Variants in TMC1 observed in about 807,000 individuals in gnomAD.
The protein encoded by TMC1 is transmembrane channel-like protein 1.
Under a neutral mutation model 105.8 loss-of-function variants are expected in TMC1, and 84 were observed. The observed-to-expected ratio is 0.79, with a 90% CI of 0.67 to 0.95. The LOEUF (loss-of-function observed/expected upper bound fraction) is 0.95, where lower values mean the gene tolerates loss of function less well. Among genes scored for constraint, TMC1 ranks in the 40% least tolerant of loss-of-function variants. TMC1 has a pLI of 0.00. For synonymous variants in TMC1, 315 were observed against 311.5 expected (o/e 1.01, Z -0.12); for missense variants, 817 against 914.1 (o/e 0.89, Z 1.37).
At chr9:72,673,204 C>A (rs1036281557) in intron 5 of TMC1, among the ~76,000 whole-genome samples, 2 of 152,034 alleles carry the variant, frequency 1.3e-5, no homozygotes, top group Non-Finnish European at 2.9e-5. Context: ...GCAACAACAG[C>A]AGTATTTAGA....
At chr9:72,769,217 T>C (rs564984524) in intron 12 of TMC1, among the ~76,000 whole-genome samples, 2 of 152,142 alleles carry the variant, frequency 1.3e-5, no homozygotes, top group Non-Finnish European at 2.9e-5. Context: ...GTAAAATAGG[T>C]ATAGTGATAG....
intron 3 of TMC1, among the ~76,000 whole-genome samples, chr9:72,624,413 C>A (rs1290700456): frequency 6.6e-6 from 1 of 152,152 alleles, no homozygotes; most frequent in African/African-American, 2.4e-5. Context: ...TTCCCCACAC[C>A]TTTTCTCTGA....
intron 19 of TMC1, among the ~76,000 whole-genome samples, chr9:72,819,209 A>G (rs995601110): frequency 3.9e-5 from 6 of 152,218 alleles, no homozygotes; most frequent in African/African-American, 1.4e-4. Context: ...ACTAGCAGAG[A>G]ATGAAGAGAA....
intron 1 of TMC1, among the ~76,000 whole-genome samples, chr9:72,577,418 T>C (rs1824401948): frequency 6.6e-6 from 1 of 152,224 alleles, no homozygotes; most frequent in Admixed American, 6.5e-5. Context: ...GGGCACTTAC[T>C]ATGATTGTGT....
chr9:72,826,164 T>C (rs893125465), intron 20 of TMC1, among the ~76,000 whole-genome samples: 1 of 152,200 alleles, frequency 6.6e-6, no homozygotes, highest in African/African-American at 2.4e-5. Flanking sequence ...AAAATAATGA[T>C]GTAATGAATA....
intron 5 of TMC1, among the ~76,000 whole-genome samples, chr9:72,685,100 CTTT>C (rs71359515): frequency 0.2 from 18,081 of 89,714 alleles, 713 homozygotes; most frequent in East Asian, 0.29. Context: ...TAAAGTCATT[CTTT>C]TTTTTTTTTT....
At chr9:72,586,617 G>A (rs1317464165) in intron 2 of TMC1, among the ~76,000 whole-genome samples, 1 of 152,118 alleles carries the variant, frequency 6.6e-6, no homozygotes, top group Non-Finnish European at 1.5e-5. Flanking sequence ...TCTGTAGTTG[G>A]GTACCGTTGT....
In TMC1 at chr9:72,624,961, G is replaced by A. The variant is rs570449386; in HGVS notation, c.-195-2960G>A. On this transcript the variant is annotated intron_variant, in intron 3 of 23. Transcript: ENST00000297784. ...ACAAAAACAGGAGAATGGATCATGC[G>A]TTCAGTATTGGAACTGATGACTATT... Among the ~76,000 whole-genome samples the A allele has an allele frequency of 1.9e-4, 29 of 152,326 alleles. 1 individual carries two copies. The South Asian group carries it at 5.2e-3, about 27-fold the overall frequency.
chr9:72,801,761 C>T (rs1036634195), intron 17 of TMC1, among the ~76,000 whole-genome samples: 8 of 152,214 alleles, frequency 5.3e-5, no homozygotes, highest in Non-Finnish European at 1.2e-4. Context: ...ACACAAGGAA[C>T]TAGGATGATA....
At chr9:72,811,733 TG>T in intron 18 of TMC1, among the ~76,000 whole-genome samples, 1 of 152,270 alleles carries the variant, frequency 6.6e-6, no homozygotes, top group Non-Finnish European at 1.5e-5. Context: ...CGAACAGCGA[TG>T]GGAGACTTCT....
Position 72,627,936 on chromosome 9 carries a change from A to G in TMC1, c.-180A>G, listed in dbSNP as rs371546038. 4.8e-6 allele frequency: 2 copies of G among 419,808 alleles called. No individual in the cohort carries two copies. Among genetic ancestry groups the G allele is most frequent in the African/African-American group, 2.1e-5 (1 of 48,032 alleles). 26.0% of individuals were successfully genotyped at this position (419,808 alleles called of 1,614,324 possible). ...CATATTTTAGGATGCCAGAAGCCTC[A>G]AAAATGGAAAACCCCCTGTGCTTCA... On this transcript the variant is annotated 5_prime_UTR_variant, in exon 4 of 24. Transcript: ENST00000297784.
At chr9:72,564,642 C>A (rs2132082849) in intron 1 of TMC1, among the ~76,000 whole-genome samples, 1 of 152,262 alleles carries the variant, frequency 6.6e-6, no homozygotes, top group Middle Eastern at 3.4e-3. Flanking sequence ...AAGACAAAAC[C>A]ACATGGACAT....
chr9:72,742,542 T>A lies in TMC1; in HGVS notation c.535+17T>A. On this transcript the variant is annotated intron_variant, in intron 10 of 23. Transcript: ENST00000297784. ...CTATTGAAAGTAAGTCCTTATCAGA[T>A]CTCAGGTGGAGAAGGTTGTCTTAGA... The A allele has an allele frequency of 6.3e-7, 1 of 1,599,746 alleles. No homozygotes were observed. Among genetic ancestry groups the A allele is most frequent in the Non-Finnish European group, 8.6e-7 (1 of 1,166,948 alleles).
At chr9:72,709,114 A>G (rs1826793529) in intron 8 of TMC1, among the ~76,000 whole-genome samples, 2 of 152,022 alleles carry the variant, frequency 1.3e-5, no homozygotes, top group East Asian at 1.9e-4. Flanking sequence ...GCATCTATTG[A>G]GATGATCATG....
chr9:72,772,467 A>C lies in TMC1; in HGVS notation c.796A>C (p.Ile266Leu). ...FYGYYDNKRT[I>L]GWMNFRLPLS... is the part of the protein sequence containing the mutation. ...TGGCTATTATGACAATAAACGAACA[A>C]TTGGATGGATGAATTTCAGGTTGCC... The change falls in exon 13 of 24, where the codon ATT becomes CTT. Residue 266 changes from isoleucine to leucine, a missense_variant. Physicochemically the swap from Ile to Leu is conservative, Grantham distance 5. Transcript: ENST00000297784. The C allele has an allele frequency of 6.2e-7, 1 of 1,613,980 alleles. No individual in the cohort carries two copies. Among genetic ancestry groups the C allele is most frequent in the Non-Finnish European group, 8.5e-7 (1 of 1,179,852 alleles).
intron 6 of TMC1, among the ~76,000 whole-genome samples, chr9:72,694,256 TAC>T (rs1826513320): frequency 6.6e-6 from 1 of 152,202 alleles, no homozygotes; most frequent in African/African-American, 2.4e-5. Context: ...GCTATTTAGT[TAC>T]TCAAGTAAAT....
intron 5 of TMC1, among the ~76,000 whole-genome samples, chr9:72,666,933 C>T (rs929713792): frequency 3.3e-5 from 5 of 150,750 alleles, no homozygotes; most frequent in Non-Finnish European, 5.9e-5. Flanking sequence ...AAACAATAAA[C>T]GAAACACATG....
At chr9:72,830,756 CT>C in intron 23 of TMC1, 74 bp downstream of exon 23, 1 of 873,292 alleles carries the variant, frequency 1.1e-6, no homozygotes, top group Non-Finnish European at 1.6e-6. Flanking sequence ...TTTTTTTTTG[CT>C]TTTTCTCCAT....
intron 4 of TMC1, among the ~76,000 whole-genome samples, chr9:72,628,734 A>G (rs55988038): frequency 0.088 from 13,460 of 152,334 alleles, 705 homozygotes; most frequent in Non-Finnish European, 0.13. Context: ...CAAACAAAAA[A>G]AATTAGGTAC....
Sources: gnomAD v4.1 joint callset for allele counts (sites outside exome capture counted in the v4.1 genomes callset) on GRCh38, gnomAD v4.1.1 for gene constraint, MANE v1.5 for transcripts, NCBI Gene and HGNC (gene_info 2026-07-23, HGNC 2026-07-21) for gene names.